Variants in CORIN observed in about 807,000 individuals in gnomAD.
CORIN encodes corin, serine peptidase, also known as atrial natriuretic peptide-converting enzyme.
Under a neutral mutation model 125.3 loss-of-function variants are expected in CORIN, and 117 were observed. The observed-to-expected ratio is 0.93, with a 90% CI of 0.80 to 1.09. CORIN has a LOEUF of 1.09. Among genes scored for constraint, CORIN ranks in the 50% least tolerant of loss-of-function variants. The pLI is 0.00. For synonymous variants in CORIN, 450 were observed against 466.4 expected, an observed-to-expected ratio of 0.96 and a Z score of 0.45; for missense variants, 1,253 against 1,306.7, an observed-to-expected ratio of 0.96 and a Z score of 0.63.
At chr4:47,633,101 T>C (rs1176990827) in intron 16 of CORIN, among the ~76,000 whole-genome samples, 3 of 152,248 alleles carry the variant, frequency 2.0e-5, no homozygotes, top group Admixed American at 6.5e-5. Context: ...ATTCTTTGAC[T>C]ATGTGTTTGT....
intron 1 of CORIN, chr4:47,837,527 G>T: frequency 2.6e-6 from 1 of 384,690 alleles, no homozygotes; most frequent in Non-Finnish European, 4.8e-6. Flanking sequence ...TCCACTAGAT[G>T]CTTGGAGGGC....
At chr4:47,623,422 A>G in intron 19 of CORIN, 149 bp downstream of exon 19, 2 of 778,232 alleles carry the variant, frequency 2.6e-6, no homozygotes, top group Non-Finnish European at 4.0e-6. Context: ...TCAAGGATAG[A>G]AAACTTTAGG....
intron 3 of CORIN, among the ~76,000 whole-genome samples, chr4:47,768,236 T>G (rs1379433541): frequency 6.6e-6 from 1 of 152,160 alleles, no homozygotes; most frequent in Non-Finnish European, 1.5e-5. Context: ...CTTTTCGGAC[T>G]CAGCCCGCCT....
intron 1 of CORIN, among the ~76,000 whole-genome samples, chr4:47,825,807 T>G (rs1260775542): frequency 6.6e-6 from 1 of 151,522 alleles, no homozygotes; most frequent in Admixed American, 6.6e-5. Context: ...CTCAAATGAT[T>G]CTGCTGCCTC....
intron 19 of CORIN, among the ~76,000 whole-genome samples, chr4:47,611,056 T>G (rs1384380403): frequency 6.6e-6 from 1 of 152,214 alleles, no homozygotes. Context: ...TCTTTTTGCT[T>G]AGGATTGTCT....
intron 3 of CORIN, among the ~76,000 whole-genome samples, chr4:47,771,506 A>G (rs902168148): frequency 1.3e-5 from 2 of 152,132 alleles, no homozygotes; most frequent in African/African-American, 4.8e-5. Context: ...AACTTGTGTC[A>G]TGGGGGGCTG....
chr4:47,773,862 G>T (rs571680154), intron 3 of CORIN, among the ~76,000 whole-genome samples: 4 of 151,112 alleles, frequency 2.6e-5, no homozygotes, highest in South Asian at 2.1e-4. Flanking sequence ...AAGATAAAAG[G>T]TATATTTATC....
chr4:47,729,977 ATCCACCTCGCTGAGAGCCACC>A (rs1727790297), intron 5 of CORIN, among the ~76,000 whole-genome samples: 1 of 152,074 alleles, frequency 6.6e-6, no homozygotes, highest in African/African-American at 2.4e-5. Flanking sequence ...CCGGCTCCCC[ATCCACCTCGCTGAGAGCCACC>A]TCCACCACTC....
At chr4:47,648,498 C>T (rs1206550687) in intron 13 of CORIN, among the ~76,000 whole-genome samples, 3 of 152,184 alleles carry the variant, frequency 2.0e-5, no homozygotes, top group Non-Finnish European at 2.9e-5. Context: ...TACTCTATCT[C>T]TCATTTTCAC....
At chr4:47,717,544 C>T (rs930809406) in intron 5 of CORIN, among the ~76,000 whole-genome samples, 3 of 152,190 alleles carry the variant, frequency 2.0e-5, no homozygotes, top group Admixed American at 6.5e-5. Flanking sequence ...ACAGTGACTT[C>T]GCCCCTGAAA....
intron 4 of CORIN, among the ~76,000 whole-genome samples, chr4:47,756,809 T>C (rs1439444638): frequency 1.3e-5 from 2 of 152,298 alleles, no homozygotes; most frequent in South Asian, 4.1e-4. Flanking sequence ...CTGGAACATA[T>C]AAGCAAGCTG....
At chr4:47,817,753 CAG>C (rs1310184703) in intron 1 of CORIN, among the ~76,000 whole-genome samples, 7 of 152,188 alleles carry the variant, frequency 4.6e-5, no homozygotes, top group African/African-American at 1.7e-4. Context: ...TGGAAAGAAA[CAG>C]AGAAGGGGAG....
chr4:47,745,467 T>A (rs1320372721), intron 4 of CORIN, among the ~76,000 whole-genome samples: 1 of 152,202 alleles, frequency 6.6e-6, no homozygotes, highest in Non-Finnish European at 1.5e-5. Flanking sequence ...GTGGAGCCAA[T>A]AAGATATCAC....
intron 5 of CORIN, among the ~76,000 whole-genome samples, chr4:47,708,195 T>C (rs1726666354): frequency 6.6e-6 from 1 of 152,190 alleles, no homozygotes; most frequent in African/African-American, 2.4e-5. Context: ...ACGACAGAAA[T>C]TTATTCTCCC....
intron 5 of CORIN, among the ~76,000 whole-genome samples, chr4:47,726,546 G>T (rs1208910885): frequency 6.6e-6 from 1 of 152,070 alleles, no homozygotes; most frequent in Non-Finnish European, 1.5e-5. Context: ...TTGGAGTGTG[G>T]TTTTGGCCAT....
intron 5 of CORIN, among the ~76,000 whole-genome samples, chr4:47,727,690 A>G (rs1259787872): frequency 6.6e-6 from 1 of 152,106 alleles, no homozygotes; most frequent in African/African-American, 2.4e-5. Flanking sequence ...AAAAGGAGCA[A>G]AGTAAAATTT....
chr4:47,671,251 G>A (rs1172668247), intron 10 of CORIN, among the ~76,000 whole-genome samples: 2 of 152,112 alleles, frequency 1.3e-5, no homozygotes, highest in Non-Finnish European at 2.9e-5. Flanking sequence ...AGTCTTCAAG[G>A]ACAAGAATCC....
At chr4:47,599,757 T>A (rs961457755) in intron 21 of CORIN, among the ~76,000 whole-genome samples, 4 of 152,206 alleles carry the variant, frequency 2.6e-5, no homozygotes, top group African/African-American at 9.6e-5. Flanking sequence ...GAGGTAGTCC[T>A]GTCTCACACC....
rs1382331710 is a variant in CORIN at position 47,659,421 on chromosome 4, G to A, written c.1735+2290C>T. On this transcript the variant is annotated intron_variant, in intron 12 of 21. Coordinates refer to ENST00000273857, the MANE Select transcript of CORIN (RefSeq NM_006587.4). The stretch of plus-strand genomic sequence containing the variant: ...GACTGGGTAATTTATAAAGAAAAGA[G>A]GTTTAATTGACTCATGGTTCTGCAG... 2.6e-5 allele frequency among the ~76,000 whole-genome samples: 4 copies of A among 152,168 alleles called. No homozygotes were observed. The South Asian group carries it at 6.2e-4, about 24-fold the overall frequency.
Sources: gnomAD v4.1 joint callset for allele counts (sites outside exome capture counted in the v4.1 genomes callset) on GRCh38, gnomAD v4.1.1 for gene constraint, MANE v1.5 for transcripts, NCBI Gene and HGNC (gene_info 2026-07-23, HGNC 2026-07-21) for gene names.